The following ROBO2 variants were observed in gnomAD, a reference collection of about 807,000 sequenced individuals.
The protein encoded by ROBO2 is roundabout homolog 2.
Under a neutral mutation model 160.8 loss-of-function variants are expected in ROBO2, and 53 were observed. The ratio of observed to expected loss-of-function variants is 0.33; its 90% CI spans 0.26 to 0.41. ROBO2 has a LOEUF of 0.41. ROBO2 is among the 10% of genes least tolerant of loss of function. The pLI, the probability that ROBO2 is intolerant of heterozygous loss-of-function variation, is 1.00. For synonymous variants in ROBO2, 664 were observed against 611.7 expected (o/e 1.09, Z -1.26); for missense variants, 1,577 against 1,722.4 (o/e 0.92, Z 1.49).
At chr3:77,538,170 CTTTTTT>C (rs59409802) in intron 6 of ROBO2, among the ~76,000 whole-genome samples, 117 of 102,484 alleles carry the variant, frequency 1.1e-3, no homozygotes, top group African/African-American at 4.3e-3. Flanking sequence ...TGATCATTTA[CTTTTTT>C]TTTTTTTTTT....
At chr3:77,552,699 G>A (rs994450437) in intron 8 of ROBO2, among the ~76,000 whole-genome samples, 2 of 152,006 alleles carry the variant, frequency 1.3e-5, no homozygotes, top group African/African-American at 4.8e-5. Context: ...TCCTTTTGCA[G>A]AGACATTGAT....
chr3:77,388,141 T>TACAC (rs60937023), intron 2 of ROBO2, among the ~76,000 whole-genome samples: 280 of 147,018 alleles, frequency 1.9e-3, no homozygotes, highest in Non-Finnish European at 2.8e-3. Context: ...GATTCACACA[T>TACAC]ACACACACAC....
chr3:76,260,313 G>A (rs1051421625), intron 2 of ROBO2, among the ~76,000 whole-genome samples: 5 of 152,012 alleles, frequency 3.3e-5, no homozygotes, highest in African/African-American at 9.7e-5. Context: ...TGTTTAGTAT[G>A]GGAGGTAATG....
chr3:77,002,668 A>G (rs192605077), intron 2 of ROBO2, among the ~76,000 whole-genome samples: 16 of 152,222 alleles, frequency 1.1e-4, no homozygotes, highest in Non-Finnish European at 1.5e-4. Flanking sequence ...ACTGGCAAAT[A>G]ATTTCAATTT....
chr3:76,572,847 T>C (rs1473282707), intron 2 of ROBO2, among the ~76,000 whole-genome samples: 1 of 152,178 alleles, frequency 6.6e-6, no homozygotes, highest in African/African-American at 2.4e-5. Flanking sequence ...TTGTCCATCA[T>C]AGTCCCGGGA....
At chr3:76,438,539 T>C (rs543821250) in intron 2 of ROBO2, among the ~76,000 whole-genome samples, 1 of 151,986 alleles carries the variant, frequency 6.6e-6, no homozygotes, top group East Asian at 1.9e-4. Context: ...TGTAAAGCCA[T>C]AGACTGAGCA....
intron 2 of ROBO2, among the ~76,000 whole-genome samples, chr3:77,107,528 A>G (rs542455588): frequency 6.6e-5 from 10 of 152,376 alleles, no homozygotes; most frequent in Non-Finnish European, 1.5e-4. Flanking sequence ...AAGAAATATT[A>G]CAAATCATGT....
In ROBO2 at chr3:76,388,890, G is replaced by T. The variant is rs115401654; in HGVS notation, c.109+451288G>T. Among the ~76,000 whole-genome samples the T allele has an allele frequency of 3.3e-3, 499 of 151,856 alleles. 6 individuals are homozygous for T. The highest frequency in any genetic ancestry group is 0.024 in the Admixed American group (366 of 15,258). On this transcript the variant is annotated intron_variant, in intron 2 of 26. Coordinates refer to the ROBO2 transcript ENST00000487694. Reference sequence around the variant, plus strand: ...ATATTAAACATTTTTTTCTTAAACAGTGCATTTGCCTTAAAAAATCTTTTC... The same window carrying T: ...ATATTAAACATTTTTTTCTTAAACATTGCATTTGCCTTAAAAAATCTTTTC...
At chr3:77,491,209 T>C (rs2086065024) in intron 4 of ROBO2, among the ~76,000 whole-genome samples, 2 of 152,190 alleles carry the variant, frequency 1.3e-5, no homozygotes, top group Non-Finnish European at 2.9e-5. Flanking sequence ...TAACATGTGC[T>C]GAATGAGTCA....
chr3:76,001,784 A>G (rs897732619), intron 2 of ROBO2, among the ~76,000 whole-genome samples: 1 of 152,156 alleles, frequency 6.6e-6, no homozygotes, highest in African/African-American at 2.4e-5. Flanking sequence ...AGCTCAAGCA[A>G]TCTGGTCTCC....
At chr3:75,917,851 G>A (rs1412999759) in intron 1 of ROBO2, among the ~76,000 whole-genome samples, 1 of 149,564 alleles carries the variant, frequency 6.7e-6, no homozygotes, top group Non-Finnish European at 1.5e-5. Context: ...AGAAGTGTCT[G>A]TTCATATCCT....
chr3:77,398,513 G>A (rs2075497110), intron 2 of ROBO2, among the ~76,000 whole-genome samples: 1 of 151,978 alleles, frequency 6.6e-6, no homozygotes, highest in South Asian at 2.1e-4. Flanking sequence ...CATTTCCTTT[G>A]GTAAAGGGCT....
chr3:77,246,758 CT>C (rs35537491), intron 2 of ROBO2, among the ~76,000 whole-genome samples: 1 of 152,124 alleles, frequency 6.6e-6, no homozygotes, highest in African/African-American at 2.4e-5. Context: ...CAATGTAACA[CT>C]TTTTTTGTGG....
At chr3:77,190,621 T>C (rs2081748169) in intron 2 of ROBO2, among the ~76,000 whole-genome samples, 2 of 152,006 alleles carry the variant, frequency 1.3e-5, no homozygotes, top group Admixed American at 6.6e-5. Context: ...AGCAAGGAAG[T>C]CTTGTGTTTT....
At chr3:76,489,352 G>A (rs959127136) in intron 2 of ROBO2, among the ~76,000 whole-genome samples, 1 of 151,966 alleles carries the variant, frequency 6.6e-6, no homozygotes, top group Admixed American at 6.6e-5. Flanking sequence ...AGTAGGAAGG[G>A]CACTCAACTA....
At chr3:76,959,992 A>ATACT (rs1257698168) in intron 2 of ROBO2, among the ~76,000 whole-genome samples, 2 of 151,964 alleles carry the variant, frequency 1.3e-5, no homozygotes, top group Non-Finnish European at 2.9e-5. Flanking sequence ...TTTCTTGAAA[A>ATACT]TACTTTCTTA....
At chr3:77,117,009 T>C (rs77650204) in intron 2 of ROBO2, among the ~76,000 whole-genome samples, 5,189 of 152,254 alleles carry the variant, frequency 0.034, 121 homozygotes, top group South Asian at 0.091. Context: ...AAAGATTTTG[T>C]TCAGATTTAA....
At chr3:76,623,538 C>G (rs1212338717) in intron 2 of ROBO2, among the ~76,000 whole-genome samples, 1 of 152,146 alleles carries the variant, frequency 6.6e-6, no homozygotes, top group Non-Finnish European at 1.5e-5. Context: ...ATTTTAGCCT[C>G]ACGTAATAAG....
chr3:77,514,200 T>A lies in ROBO2; in HGVS notation c.807-8575T>A, dbSNP rs141233067. Among the ~76,000 whole-genome samples the A allele has an allele frequency of 7.4e-3, 1,128 of 151,834 alleles. 14 individuals are homozygous for A. The highest frequency in any genetic ancestry group is 8.5e-3 in the Non-Finnish European group (577 of 67,800). On this transcript the variant is annotated intron_variant, in intron 5 of 25. Coordinates refer to ENST00000461745, the Ensembl canonical transcript of ROBO2. The stretch of plus-strand genomic sequence containing the variant: ...GTTTCATACCAAAATAAACTCCACT[T>A]ATTGAAAATTTATTCTAGACTTCTT...
Sources: allele counts gnomAD v4.1 joint callset (sites outside exome capture counted in the v4.1 genomes callset), GRCh38; gene constraint gnomAD v4.1.1; transcripts MANE v1.5; gene names NCBI Gene and HGNC (gene_info 2026-07-23, HGNC 2026-07-21).